The following TRDN variants were observed in gnomAD, a reference collection of about 807,000 sequenced individuals.
TRDN encodes triadin in skeletal muscle.
In TRDN, 161 loss-of-function variants were observed where a neutral mutation model predicts 149.7. The observed-to-expected ratio is 1.08, with a 90% CI of 0.95 to 1.23. The LOEUF is 1.23. TRDN is among the 50% of genes most tolerant of loss of function. The pLI, the probability that TRDN is intolerant of heterozygous loss-of-function variation, is 0.00. For missense variants in TRDN, 896 were observed against 823.5 expected (o/e 1.09, Z -1.08); for synonymous variants, 294 against 250.5 (o/e 1.17, Z -1.64).
Position 123,558,625 on chromosome 6 carries a change from C to T in TRDN, c.233-10013G>A, listed in dbSNP as rs1781807956. Reference sequence around the variant, plus strand: ...ATACCCTAAAATGTCAAAAGGCCATCTTATTCTCAATATACATTTTATTAC... The same window carrying T: ...ATACCCTAAAATGTCAAAAGGCCATTTTATTCTCAATATACATTTTATTAC... On this transcript the variant is annotated intron_variant, in intron 2 of 40. Coordinates refer to ENST00000334268, the MANE Select transcript of TRDN (RefSeq NM_006073.4). Among the ~76,000 whole-genome samples, 5 of 152,270 alleles carry T rather than the reference C, an allele frequency of 3.3e-5. No individual in the cohort carries two copies. The South Asian group carries it at 1.0e-3, about 32-fold the overall frequency.
At chr6:123,594,504 A>G (rs1471366617) in intron 1 of TRDN, among the ~76,000 whole-genome samples, 1 of 152,036 alleles carries the variant, frequency 6.6e-6, no homozygotes, top group African/African-American at 2.4e-5. Flanking sequence ...TTAAATTAAA[A>G]TATTTACAAT....
At chr6:123,219,102 A>G (rs146621466) in intron 40 of TRDN, among the ~76,000 whole-genome samples, 184 of 152,068 alleles carry the variant, frequency 1.2e-3, no homozygotes, top group African/African-American at 4.3e-3. Context: ...ACATAGTCAC[A>G]GGTTTCAAAA....
At chr6:123,424,679 G>A (rs1270071666) in intron 12 of TRDN, among the ~76,000 whole-genome samples, 1 of 152,122 alleles carries the variant, frequency 6.6e-6, no homozygotes, top group African/African-American at 2.4e-5. Context: ...ATTACAAATG[G>A]CAAGCATGTG....
At chr6:123,380,274 G>A (rs193290580) in intron 16 of TRDN, among the ~76,000 whole-genome samples, 23 of 152,304 alleles carry the variant, frequency 1.5e-4, no homozygotes, top group African/African-American at 5.3e-4. Flanking sequence ...TGCAGTGTGT[G>A]CAGGAACTTT....
At chr6:123,581,304 T>G (rs1783107545) in intron 1 of TRDN, among the ~76,000 whole-genome samples, 1 of 152,238 alleles carries the variant, frequency 6.6e-6, no homozygotes, top group Non-Finnish European at 1.5e-5. Context: ...CTACTCTTCT[T>G]ACTTGTAATA....
chr6:123,259,689 C>A (rs1167781952), intron 34 of TRDN, 27 bp from the exon 35 acceptor site: 9 of 1,439,112 alleles, frequency 6.3e-6, no homozygotes, highest in Non-Finnish European at 7.5e-6. Context: ...CAACAAGAAA[C>A]CATCATTTTA....
At chr6:123,305,663 T>C (rs1333930591) in intron 24 of TRDN, among the ~76,000 whole-genome samples, 2 of 152,170 alleles carry the variant, frequency 1.3e-5, no homozygotes, top group Non-Finnish European at 2.9e-5. Flanking sequence ...CTTGAGATGT[T>C]GGAACAAGAT....
chr6:123,629,305 G>A (rs891886595), intron 1 of TRDN, among the ~76,000 whole-genome samples: 9 of 152,138 alleles, frequency 5.9e-5, no homozygotes, highest in East Asian at 1.9e-4. Context: ...TCACATCCAC[G>A]AGCTCACTAA....
intron 12 of TRDN, among the ~76,000 whole-genome samples, chr6:123,436,612 T>A (rs1248311815): frequency 1.3e-5 from 2 of 152,090 alleles, no homozygotes; most frequent in Non-Finnish European, 2.9e-5. Flanking sequence ...CACCATCATT[T>A]TTTCCACATA....
chr6:123,282,867 C>T lies in TRDN; in HGVS notation c.1511-3785G>A, dbSNP rs545211635. On this transcript the variant is annotated intron_variant, in intron 24 of 40. Coordinates refer to ENST00000334268, the MANE Select transcript of TRDN (RefSeq NM_006073.4). The stretch of plus-strand genomic sequence containing the variant: ...GTGTAATATTATTTGGGGCATATAA[C>T]ACATATAAAGATCTTCACTGGAAAA... Among the ~76,000 whole-genome samples, 5 of 151,842 alleles carry T rather than the reference C, an allele frequency of 3.3e-5. No homozygotes were observed. The East Asian group carries it at 9.7e-4, about 29-fold the overall frequency.
At chr6:123,544,388 G>A (rs1583218133) in intron 4 of TRDN, among the ~76,000 whole-genome samples, 2 of 151,860 alleles carry the variant, frequency 1.3e-5, no homozygotes, top group African/African-American at 4.8e-5. Context: ...TATATTTGAA[G>A]TGGAAATAGT....
At chr6:123,263,478 T>C (rs1039281124) in intron 33 of TRDN, among the ~76,000 whole-genome samples, 2 of 152,022 alleles carry the variant, frequency 1.3e-5, no homozygotes, top group African/African-American at 4.8e-5. Context: ...GCTAAGATAA[T>C]TGACCAAGGT....
At position 123,326,009 on chromosome 6, in the gene TRDN, A is replaced by T. The variant is rs187661857; in HGVS notation, c.1471+5870T>A. 2.0e-3 allele frequency among the ~76,000 whole-genome samples: 312 copies of T among 152,220 alleles called. 1 individual carries two copies. The highest frequency in any genetic ancestry group is 7.2e-3 in the African/African-American group (300 of 41,568). On this transcript the variant is annotated intron_variant, in intron 23 of 40. Coordinates refer to ENST00000334268, the MANE Select transcript of TRDN (RefSeq NM_006073.4). ...GACAACTGAACATGCAAAATTACCA[A>T]TTTCTGTAAAATAAATAGCAGAGAG... is the stretch of plus-strand genomic sequence containing the variant.
chr6:123,551,344 C>T (rs9388254), intron 2 of TRDN, among the ~76,000 whole-genome samples: 5,959 of 48,244 alleles, frequency 0.12, 189 homozygotes, highest in East Asian at 0.49. Flanking sequence ...AACCTAAATA[C>T]ACACACACAC....
chr6:123,350,865 T>TA (rs1780437321), intron 21 of TRDN: 7 of 983,118 alleles, frequency 7.1e-6, no homozygotes, highest in Non-Finnish European at 8.5e-6. Flanking sequence ...AAGATTTTAG[T>TA]AAACAAAATT....
chr6:123,261,220 G>A (rs1246636048), intron 33 of TRDN, among the ~76,000 whole-genome samples: 1 of 151,366 alleles, frequency 6.6e-6, no homozygotes, highest in Non-Finnish European at 1.5e-5. Context: ...TTATAAATCT[G>A]TTACATTTTT....
chr6:123,274,312 A>G (rs954082914), intron 27 of TRDN, among the ~76,000 whole-genome samples: 1 of 152,144 alleles, frequency 6.6e-6, no homozygotes, highest in Non-Finnish European at 1.5e-5. Context: ...AGAATTATAA[A>G]AACAAAGCCA....
At chr6:123,219,058 T>C (rs182882815) in intron 40 of TRDN, among the ~76,000 whole-genome samples, 16 of 152,058 alleles carry the variant, frequency 1.1e-4, no homozygotes, top group Middle Eastern at 3.4e-3. Context: ...TCTGATCATA[T>C]AGACATCTGT....
At chr6:123,272,633 A>G (rs1328660282) in intron 29 of TRDN, among the ~76,000 whole-genome samples, 2 of 151,964 alleles carry the variant, frequency 1.3e-5, no homozygotes, top group Non-Finnish European at 2.9e-5. Flanking sequence ...GCCAATCTGA[A>G]TTACAAGTTT....
Sources: allele counts gnomAD v4.1 joint callset (sites outside exome capture counted in the v4.1 genomes callset), GRCh38; gene constraint gnomAD v4.1.1; transcripts MANE v1.5; gene names NCBI Gene and HGNC (gene_info 2026-07-23, HGNC 2026-07-21).